The following PCNX3 variants were observed in gnomAD, a reference collection of about 807,000 sequenced individuals.
PCNX3 encodes the protein pecanex-like protein 3.
PCNX3 carries 58 observed loss-of-function variants against 207.2 expected under a neutral mutation model. That is an observed-to-expected ratio of 0.28 (90% CI 0.23 to 0.35). PCNX3 has a LOEUF of 0.35. PCNX3 is among the 10% of genes least tolerant of loss of function. The pLI is 1.00. For missense variants in PCNX3, 2,410 were observed against 2,774.4 expected (o/e 0.87, Z 2.95); for synonymous variants, 1,337 against 1,183.5 (o/e 1.13, Z -2.66).
chr11:65,621,919 G>C (rs1855124807), intron 10 of PCNX3, among the ~76,000 whole-genome samples: 1 of 152,186 alleles, frequency 6.6e-6, no homozygotes. Flanking sequence ...AAGGACAAGT[G>C]GACTTCCTTG....
At chr11:65,616,715 G>A in intron 1 of PCNX3, 109 bp from the exon 2 acceptor site, 1 of 1,257,176 alleles carries the variant, frequency 8.0e-7, no homozygotes, top group Non-Finnish European at 1.1e-6. Flanking sequence ...GTGGAGAGGT[G>A]ATGAAATTTT....
At position 65,637,130 on chromosome 11, in the gene PCNX3, C is replaced by G. The variant is rs1003037639; in HGVS notation, c.*152C>G. 6.7e-5 allele frequency: 55 copies of G among 822,390 alleles called. No individual in the cohort carries two copies. The highest frequency in any genetic ancestry group is 9.6e-5 in the Non-Finnish European group (51 of 530,174). The allele number at this position is 822,390 out of a possible 1,614,324, so 50.9% of individuals were successfully genotyped here. On this transcript the variant is annotated 3_prime_UTR_variant, in exon 35 of 35. Transcript: ENST00000355703. ...GGCCAGAGTACCAAAACTGAGTGACCCAGACCTCTGACCTTGACCCCTGAT... is the reference window on the plus strand; with the variant it reads ...GGCCAGAGTACCAAAACTGAGTGACGCAGACCTCTGACCTTGACCCCTGAT...
rs1854872134 is a variant in PCNX3, at chr11:65,618,413, G to A, written c.1051G>A (p.Ala351Thr). ...SEAELPASPD[A>T]GVPSDDTLRS... ...GGCTGAGCTGCCTGCCTCACCAGAC[G>A]CCGGGGTCCCCTCAGATGACACGCT... The change falls in exon 6 of 35, where the codon GCC (alanine) becomes ACC (threonine). Residue 351 changes from alanine (A) to threonine (T), a missense_variant. By Grantham distance (58) the Ala-to-Thr change is moderately conservative (BLOSUM62 0). This residue lies in a region of PCNX3 where 1,104 missense variants were observed against 970.3 expected (regional missense o/e 1.14). Transcript: ENST00000355703. 1.9e-6 allele frequency: 3 copies of A among 1,612,496 alleles called. No individual in the cohort carries two copies. The highest frequency in any genetic ancestry group is 2.2e-5 in the East Asian group (1 of 44,864).
At chr11:65,624,803 A>C (rs1209352363) in intron 15 of PCNX3, 122 bp from the exon 16 acceptor site, 2 of 1,073,820 alleles carry the variant, frequency 1.9e-6, no homozygotes, top group African/African-American at 3.1e-5. Flanking sequence ...GCAGCAGAGA[A>C]CAATGGGCTG....
chr11:65,626,866 G>A (rs1472086094), intron 20 of PCNX3, 38 bp from the exon 21 acceptor site: 1 of 1,565,558 alleles, frequency 6.4e-7, no homozygotes. Context: ...AGGCAGGCAT[G>A]TGGAAGCCAG....
intron 20 of PCNX3, chr11:65,626,609 C>T: frequency 4.1e-6 from 2 of 483,938 alleles, no homozygotes; most frequent in South Asian, 4.2e-5. Flanking sequence ...TCACTGTGCA[C>T]TCAGGCCCTA....
chr11:65,620,355 C>T lies in PCNX3; in HGVS notation c.2025C>T (p.Tyr675=). 6.2e-6 allele frequency: 10 copies of T among 1,613,442 alleles called. No homozygotes were observed. Among genetic ancestry groups the T allele is most frequent in the Non-Finnish European group, 8.5e-6 (10 of 1,179,740 alleles). Residue 675 remains tyrosine (Y), a synonymous_variant, in exon 9 of 35, where the codon TAC becomes TAT. Transcript: ENST00000355703. ...CTGCCCCAGGTGTGCGGCGTTCCTA[C>T]ACCTTTGGCCTGGCTGGAGGCGGCT... ...FYDESGVRRS[Y]TFGLAGGGYE... is the part of the protein sequence containing the mutation.
intron 8 of PCNX3, among the ~76,000 whole-genome samples, 176 bp downstream of exon 8, chr11:65,620,108 T>C (rs897255077): frequency 1.3e-5 from 2 of 152,200 alleles, no homozygotes; most frequent in Admixed American, 1.3e-4. Context: ...GCTCTGCTGA[T>C]GAGGAAACAG....
rs761640569 is a variant in PCNX3, at chr11:65,618,215, C to T, written c.853C>T (p.Arg285Trp). 70 of 1,602,470 alleles carry T rather than the reference C, an allele frequency of 4.4e-5. No homozygotes were observed. Among genetic ancestry groups the T allele is most frequent in the South Asian group, 2.2e-4 (20 of 90,648 alleles). ...AGGTGGCTATCAGCCCCTTGACCGG[C>T]GGGGCTCAGGGGAGCCCACGCCCCA... ...GAGGYQPLDR[R>W]GSGEPTPQKA... The change falls in exon 6 of 35, where the codon CGG (arginine) becomes TGG (tryptophan). Residue 285 changes from arginine (R) to tryptophan (W), a missense_variant. Coordinates refer to ENST00000355703, the MANE Select transcript of PCNX3 (RefSeq NM_032223.4).
chr11:65,617,069 C>T (rs1854775122), intron 2 of PCNX3, 58 bp downstream of exon 2: 1 of 1,516,526 alleles, frequency 6.6e-7, no homozygotes, highest in East Asian at 2.4e-5. Flanking sequence ...GGGCCGGAAC[C>T]TTGCAGGGTG....
chr11:65,618,395 C>T lies in PCNX3; in HGVS notation c.1033C>T (p.Leu345=), dbSNP rs1398905346. 1.2e-6 allele frequency: 2 copies of T among 1,612,664 alleles called. No homozygotes were observed. Among genetic ancestry groups the T allele is most frequent in the Non-Finnish European group, 1.7e-6 (2 of 1,179,838 alleles). ...CACAGACCCACCCTCTGAGGCTGAG[C>T]TGCCTGCCTCACCAGACGCCGGGGT... is the stretch of plus-strand genomic sequence containing the variant. ...SDTDPPSEAE[L]PASPDAGVPS... Residue 345 remains leucine (L), a synonymous_variant, in exon 6 of 35, where the codon CTG becomes TTG. Transcript: ENST00000355703.
At position 65,620,498 on chromosome 11, in the gene PCNX3, C is replaced by A. The variant is rs983823925; in HGVS notation, c.2099+69C>A. 72 of 1,518,716 alleles carry A rather than the reference C, an allele frequency of 4.7e-5. No individual in the cohort carries two copies. In the African/African-American group the frequency reaches 9.2e-4, roughly 19 times the overall value. 94.1% of individuals were successfully genotyped at this position (1,518,716 alleles called of 1,614,324 possible). A position where few individuals can be genotyped will look rare whatever the true frequency, so the allele number is the denominator to read the frequency against. ...CTGCATCTCTGGGAAGTTCCCTGAGCCTGGAGTTTGCTCTCTTCCTGCTGG... is the reference window on the plus strand; with the variant it reads ...CTGCATCTCTGGGAAGTTCCCTGAGACTGGAGTTTGCTCTCTTCCTGCTGG... On this transcript the variant is annotated intron_variant, in intron 9 of 34. Transcript: ENST00000355703.
intron 12 of PCNX3, 75 bp from the exon 13 acceptor site, chr11:65,623,854 G>T: frequency 6.2e-7 from 1 of 1,600,258 alleles, no homozygotes. Flanking sequence ...TAGTGGTGGA[G>T]CTGAACAGGT....
chr11:65,628,528 C>T (rs1013566091), intron 22 of PCNX3, 67 bp from the exon 23 acceptor site: 36 of 1,470,298 alleles, frequency 2.4e-5, no homozygotes, highest in Non-Finnish European at 3.0e-5. Context: ...TGAATGGGGC[C>T]TGGCATCCGG....
At chr11:65,634,476 C>G (rs1343141004) in intron 28 of PCNX3, 62 bp from the exon 29 acceptor site, 21 of 1,524,062 alleles carry the variant, frequency 1.4e-5, no homozygotes, top group Middle Eastern at 1.7e-4. Flanking sequence ...CCCCAGCCCC[C>G]ACTCCAAGGT....
intron 27 of PCNX3, among the ~76,000 whole-genome samples, chr11:65,633,678 G>T (rs560279837): frequency 1.3e-5 from 2 of 152,216 alleles, no homozygotes; most frequent in African/African-American, 4.8e-5. Flanking sequence ...CCATAGTGTC[G>T]GGGCCAGCCA....
chr11:65,635,953 GTCACCTTACCCCCAGAGC>G lies in PCNX3; in HGVS notation c.5459+152_5459+169del. The G allele has an allele frequency of 7.8e-7, 1 of 1,289,884 alleles. No individual in the cohort carries two copies. The highest frequency in any genetic ancestry group is 1.0e-6 in the Non-Finnish European group (1 of 954,768). 79.9% of individuals were successfully genotyped at this position (1,289,884 alleles called of 1,614,324 possible). ...CAGAGCTGACCTGCCCCTCCTAGAT[GTCACCTTACCCCCAGAGC>G]TGACAGTGGCCTTTAGTCATCAAGC... On this transcript the variant is annotated intron_variant, in intron 32 of 34. Transcript: ENST00000355703. This position sits in a 1 kb window ranked among gnomAD's most constrained non-coding sequence, Gnocchi z 9.9.
rs765220456 is a variant in PCNX3, at chr11:65,617,501, C to G, written c.473C>G (p.Pro158Arg). Residue 158 changes from proline (P) to arginine (R), a missense_variant, in exon 4 of 35, where the codon CCC becomes CGC. Around this residue, in one of 8 missense-constraint regions of PCNX3, gnomAD observed 1,104 missense variants for 970.3 expected, o/e 1.14. Coordinates refer to ENST00000355703, the MANE Select transcript of PCNX3 (RefSeq NM_032223.4). Reference sequence around the variant, plus strand: ...CTGCCCCGAATGGAGGACTCTGGGCCCCTTAGAGGTAGGTGGCTGCTCTTC... The same window carrying G: ...CTGCCCCGAATGGAGGACTCTGGGCGCCTTAGAGGTAGGTGGCTGCTCTTC... ...ELLPRMEDSG[P>R]LRDIKELVRE... is the part of the protein sequence containing the mutation. The G allele has an allele frequency of 1.2e-6, 2 of 1,613,854 alleles. No individual in the cohort carries two copies. Among genetic ancestry groups the G allele is most frequent in the South Asian group, 2.2e-5 (2 of 91,062 alleles).
Position 65,629,515 on chromosome 11 carries a change from C to T in PCNX3, c.4001-5C>T, listed in dbSNP as rs767541065. ...GTCCATTTGCCCGTCTGTTCTGGGT[C>T]TTAGGCGCTGATGACAACAACCTCA... On this transcript the variant is annotated splice_polypyrimidine_tract_variant and splice_region_variant and intron_variant, in intron 25 of 34. Transcript: ENST00000355703. The T allele has an allele frequency of 9.9e-6, 16 of 1,613,606 alleles. No homozygotes were observed. Among genetic ancestry groups the T allele is most frequent in the Non-Finnish European group, 1.2e-5 (14 of 1,179,756 alleles).
Sources: gnomAD v4.1 joint callset for allele counts (sites outside exome capture counted in the v4.1 genomes callset) on GRCh38, gnomAD v4.1.1 for gene constraint, gnomAD v4.1.1 regional missense constraint, Gnocchi (gnomAD v3.1) non-coding constraint, MANE v1.5 for transcripts, NCBI Gene and HGNC (gene_info 2026-07-23, HGNC 2026-07-21) for gene names.